The following SGMS1 variants were observed in gnomAD, a reference collection of about 807,000 sequenced individuals.
SGMS1 encodes phosphatidylcholine:ceramide cholinephosphotransferase 1.
SGMS1 carries 13 observed loss-of-function variants against 46.2 expected under a neutral mutation model. The observed-to-expected ratio is 0.28, with a 90% CI of 0.18 to 0.45. The LOEUF (loss-of-function observed/expected upper bound fraction) is 0.45. SGMS1 is among the 20% of genes least tolerant of loss of function. The pLI is 1.00. For synonymous variants in SGMS1, 203 were observed against 187.8 expected, an observed-to-expected ratio of 1.08 and a Z score of -0.66; for missense variants, 324 against 519.9, an observed-to-expected ratio of 0.62 and a Z score of 3.66.
At chr10:50,411,025 T>C (rs1849090039) in intron 6 of SGMS1, among the ~76,000 whole-genome samples, 1 of 152,220 alleles carries the variant, frequency 6.6e-6, no homozygotes, top group African/African-American at 2.4e-5. Flanking sequence ...CAGGTCTTTC[T>C]TTCCAAATTG....
Position 50,384,751 on chromosome 10 carries a change from A to C in SGMS1, c.-231-40406T>G, listed in dbSNP as rs140446558. Among the ~76,000 whole-genome samples, 78 of 152,160 alleles carry C rather than the reference A, an allele frequency of 5.1e-4. 1 individual carries two copies. The highest frequency in any genetic ancestry group is 1.8e-3 in the African/African-American group (76 of 41,522). The stretch of plus-strand genomic sequence containing the variant: ...TGTCATGACCCACTGTGCCCGGCCT[A>C]CTTTCTATTTTGAAATAATTTTAGG... On this transcript the variant is annotated intron_variant, in intron 6 of 10. Coordinates refer to ENST00000361781, the MANE Select transcript of SGMS1 (RefSeq NM_147156.4).
chr10:50,501,460 T>C (rs2144863), intron 3 of SGMS1, among the ~76,000 whole-genome samples: 51,637 of 152,084 alleles, frequency 0.34, 8,936 homozygotes, highest in Admixed American at 0.41. Context: ...GAATGCTTGG[T>C]GAAATACGTT....
At chr10:50,428,817 C>T (rs968717156) in intron 6 of SGMS1, among the ~76,000 whole-genome samples, 2 of 152,168 alleles carry the variant, frequency 1.3e-5, no homozygotes, top group African/African-American at 2.4e-5. Context: ...CAATGATTAA[C>T]AGAGGCTCCC....
At chr10:50,343,328 C>T (rs1847850075) in intron 7 of SGMS1, 164 bp downstream of exon 7, 15 of 708,912 alleles carry the variant, frequency 2.1e-5, no homozygotes, top group Non-Finnish European at 6.5e-6. Flanking sequence ...TCTTTTAAAG[C>T]TTCCAGACAG....
chr10:50,407,680 A>G (rs1196946655), intron 6 of SGMS1, among the ~76,000 whole-genome samples: 1 of 151,754 alleles, frequency 6.6e-6, no homozygotes, highest in Non-Finnish European at 1.5e-5. Context: ...AACCAGTTAC[A>G]ATAGAATGGG....
intron 2 of SGMS1, among the ~76,000 whole-genome samples, chr10:50,552,677 G>A (rs1838158475): frequency 6.6e-6 from 1 of 152,206 alleles, no homozygotes; most frequent in South Asian, 2.1e-4. Flanking sequence ...GCTAAATAGT[G>A]CCCCGTCCCC....
At chr10:50,478,417 AC>A (rs1837447360) in intron 3 of SGMS1, among the ~76,000 whole-genome samples, 1 of 152,158 alleles carries the variant, frequency 6.6e-6, no homozygotes, top group Non-Finnish European at 1.5e-5. Flanking sequence ...AATCCTTAAA[AC>A]CTTTCAACTC....
intron 2 of SGMS1, among the ~76,000 whole-genome samples, chr10:50,544,948 G>A (rs1219048988): frequency 6.6e-6 from 1 of 152,130 alleles, no homozygotes; most frequent in Non-Finnish European, 1.5e-5. Context: ...AAATAATTTG[G>A]TTAAATTATT....
intron 1 of SGMS1, among the ~76,000 whole-genome samples, chr10:50,593,058 C>G (rs117605531): frequency 4.0e-4 from 61 of 151,806 alleles, no homozygotes; most frequent in Non-Finnish European, 7.8e-4. Flanking sequence ...ACTCCACCTT[C>G]CATCTCTGTT....
intron 6 of SGMS1, among the ~76,000 whole-genome samples, chr10:50,350,900 T>C (rs1173592526): frequency 1.3e-5 from 2 of 152,182 alleles, no homozygotes; most frequent in Non-Finnish European, 2.9e-5. Context: ...GAGTTCCTAC[T>C]GGGGTACTGC....
chr10:50,313,239 C>A (rs1332755057), intron 8 of SGMS1, among the ~76,000 whole-genome samples: 2 of 152,090 alleles, frequency 1.3e-5, no homozygotes, highest in Non-Finnish European at 2.9e-5. Context: ...GGGTAGGGAT[C>A]ATGAAGGAGG....
chr10:50,452,645 G>A (rs1046138150), intron 5 of SGMS1, among the ~76,000 whole-genome samples: 2 of 152,118 alleles, frequency 1.3e-5, no homozygotes. Flanking sequence ...TAGTAATACT[G>A]AATTTCCATT....
chr10:50,507,447 G>A (rs1837716774), intron 3 of SGMS1, among the ~76,000 whole-genome samples: 1 of 152,144 alleles, frequency 6.6e-6, no homozygotes, highest in Non-Finnish European at 1.5e-5. Flanking sequence ...GAGCGAAACA[G>A]GCTAAAATAC....
At chr10:50,388,706 T>C (rs908761897) in intron 6 of SGMS1, among the ~76,000 whole-genome samples, 2 of 152,064 alleles carry the variant, frequency 1.3e-5, no homozygotes, top group Non-Finnish European at 2.9e-5. Context: ...ATGGAAAAAG[T>C]GGGCCTATAT....
chr10:50,502,273 T>C (rs1448507957), intron 3 of SGMS1, among the ~76,000 whole-genome samples: 27 of 113,234 alleles, frequency 2.4e-4, no homozygotes, highest in Non-Finnish European at 3.5e-4. Flanking sequence ...CTCCAGCCTC[T>C]CCCCACACAA....
At chr10:50,464,233 T>C (rs1314749247) in intron 4 of SGMS1, among the ~76,000 whole-genome samples, 3 of 152,216 alleles carry the variant, frequency 2.0e-5, no homozygotes, top group Non-Finnish European at 4.4e-5. Context: ...GGGCCTAATG[T>C]AATTACCAGG....
intron 3 of SGMS1, among the ~76,000 whole-genome samples, chr10:50,497,530 C>T (rs1475780938): frequency 3.9e-5 from 6 of 152,206 alleles, no homozygotes; most frequent in East Asian, 1.9e-4. Context: ...CGGTGGCTCA[C>T]GCCTATAATC....
At chr10:50,612,213 C>A (rs1315320556) in intron 1 of SGMS1, among the ~76,000 whole-genome samples, 2 of 152,262 alleles carry the variant, frequency 1.3e-5, no homozygotes, top group South Asian at 2.1e-4. Context: ...GGATCCTCCA[C>A]CCCTTAACCT....
chr10:50,425,628 A>G (rs1227649916), intron 6 of SGMS1, among the ~76,000 whole-genome samples: 1 of 152,126 alleles, frequency 6.6e-6, no homozygotes, highest in Non-Finnish European at 1.5e-5. Context: ...CTGAAAACCC[A>G]CCTATTGAGT....
Sources: allele counts gnomAD v4.1 joint callset (sites outside exome capture counted in the v4.1 genomes callset), GRCh38; gene constraint gnomAD v4.1.1; transcripts MANE v1.5; gene names NCBI Gene and HGNC (gene_info 2026-07-23, HGNC 2026-07-21).